SETD2: variants seen among roughly 807,000 people sequenced by gnomAD.
SETD2 encodes SET domain containing 2, histone lysine methyltransferase, also known as histone-lysine N-methyltransferase SETD2.
In SETD2, 31 loss-of-function variants were observed where a neutral mutation model predicts 242.1. The observed-to-expected ratio is 0.13, with a 90% CI of 0.10 to 0.17. SETD2 has a LOEUF of 0.17. Ranked by LOEUF, SETD2 falls within the 10% of genes least tolerant of loss-of-function variation. The probability of loss-of-function intolerance (pLI) is 1.00; values close to 1 mark genes in which losing one functional copy is unlikely to be tolerated. For synonymous variants in SETD2, 1,006 were observed against 1,066.5 expected, an observed-to-expected ratio of 0.94 and a Z score of 1.11; for missense variants, 2,481 against 3,046.3, an observed-to-expected ratio of 0.81 and a Z score of 4.37.
In SETD2 at chr3:47,114,476, A is replaced by T. The variant is rs182282748; in HGVS notation, c.4587-472T>A. Among the ~76,000 whole-genome samples the T allele has an allele frequency of 3.3e-4, 51 of 152,330 alleles. No homozygotes were observed. In the East Asian group the frequency reaches 9.2e-3, roughly 28 times the overall value. ...ATCCTTGTTCAGAGTAAACAGAATA[A>T]CATGGCATGGCTCTTCTCCCATGGA... is the stretch of plus-strand genomic sequence containing the variant. On this transcript the variant is annotated intron_variant, in intron 4 of 20. Coordinates refer to ENST00000409792, the MANE Select transcript of SETD2 (RefSeq NM_014159.7).
intron 11 of SETD2, among the ~76,000 whole-genome samples, 175 bp downstream of exon 11, chr3:47,086,020 G>GGT (rs1188988730): frequency 6.6e-6 from 1 of 152,128 alleles, no homozygotes; most frequent in East Asian, 1.9e-4. Flanking sequence ...CTACTAACAA[G>GGT]GTGTATGTAC....
At chr3:47,022,530 A>G (rs1453184177) in intron 18 of SETD2, among the ~76,000 whole-genome samples, 2 of 152,214 alleles carry the variant, frequency 1.3e-5, no homozygotes, top group East Asian at 1.9e-4. Flanking sequence ...CTTTTAAGGA[A>G]ACCACCAGAG....
chr3:47,113,831 C>T (rs2107718003), intron 5 of SETD2, 45 bp downstream of exon 5: 1 of 1,585,484 alleles, frequency 6.3e-7, no homozygotes. Flanking sequence ...AGAGTGAGAC[C>T]TTGTCTCAAA....
At chr3:47,067,029 A>T (rs2040585860) in intron 13 of SETD2, 41 bp downstream of exon 13, 9 of 1,497,832 alleles carry the variant, frequency 6.0e-6, no homozygotes, top group Non-Finnish European at 8.4e-6. Context: ...ACAAAAGAAT[A>T]TTTGTAAAGC....
At chr3:47,084,967 G>T (rs926397533) in intron 11 of SETD2, among the ~76,000 whole-genome samples, 1 of 151,272 alleles carries the variant, frequency 6.6e-6, no homozygotes, top group East Asian at 1.9e-4. Flanking sequence ...CTGACCTTAG[G>T]TGATCCACCT....
chr3:47,071,891 T>G (rs1234755625), intron 12 of SETD2, among the ~76,000 whole-genome samples: 1 of 152,082 alleles, frequency 6.6e-6, no homozygotes, highest in Non-Finnish European at 1.5e-5. Flanking sequence ...AAATAAACTC[T>G]AAAAATATAC....
intron 1 of SETD2, among the ~76,000 whole-genome samples, chr3:47,146,633 A>AG (rs926488336): frequency 3.8e-4 from 58 of 151,670 alleles, no homozygotes; most frequent in African/African-American, 1.3e-3. Context: ...TCTAAAAAAA[A>AG]AAAAAAAAAT....
chr3:47,027,892 C>A (rs993635407), intron 18 of SETD2, among the ~76,000 whole-genome samples: 1 of 151,598 alleles, frequency 6.6e-6, no homozygotes, highest in African/African-American at 2.4e-5. Context: ...CCCGGGTTCA[C>A]GCCATTCTCC....
At chr3:47,133,944 A>G (rs933191032) in intron 1 of SETD2, among the ~76,000 whole-genome samples, 4 of 152,238 alleles carry the variant, frequency 2.6e-5, no homozygotes, top group African/African-American at 7.2e-5. Context: ...GAAGCCACCA[A>G]TTACAAATCA....
intron 2 of SETD2, 72 bp from the exon 3 acceptor site, chr3:47,124,620 A>G (rs1361117312): frequency 1.5e-6 from 2 of 1,301,742 alleles, no homozygotes; most frequent in Admixed American, 5.7e-5. Flanking sequence ...ACAGTTTAAA[A>G]TGTTTACTGG....
At chr3:47,145,124 G>A (rs947959068) in intron 1 of SETD2, among the ~76,000 whole-genome samples, 13 of 152,098 alleles carry the variant, frequency 8.5e-5, no homozygotes, top group African/African-American at 2.9e-4. Flanking sequence ...CTGACAATGT[G>A]TAAACATAAC....
chr3:47,048,707 C>T (rs1464373142), intron 15 of SETD2, among the ~76,000 whole-genome samples: 4 of 152,042 alleles, frequency 2.6e-5, no homozygotes, highest in Non-Finnish European at 4.4e-5. Flanking sequence ...CCCTCCTCCT[C>T]GCCAGGGTGG....
At chr3:47,039,371 C>T (rs564744855) in intron 17 of SETD2, among the ~76,000 whole-genome samples, 78 of 152,006 alleles carry the variant, frequency 5.1e-4, no homozygotes, top group East Asian at 5.9e-4. Context: ...CGTGTCACCA[C>T]GCCCAGCTAA....
intron 9 of SETD2, among the ~76,000 whole-genome samples, chr3:47,092,402 G>A: frequency 6.6e-6 from 1 of 151,566 alleles, no homozygotes; most frequent in African/African-American, 2.4e-5. Flanking sequence ...TTTATGTATG[G>A]GTCAACATCA....
rs776438900 is a variant in SETD2, at chr3:47,120,828, T to C, written c.3808A>G (p.Thr1270Ala). The C allele has an allele frequency of 3.8e-5, 61 of 1,614,118 alleles. 1 individual carries two copies. In the South Asian group the frequency reaches 6.4e-4, roughly 17 times the overall value. The change falls in exon 3 of 21, where the codon ACG (threonine) becomes GCG (alanine). Residue 1270 changes from threonine to alanine, a missense_variant. Coordinates refer to ENST00000409792, the MANE Select transcript of SETD2 (RefSeq NM_014159.7). ...WDFSQEKPST[T>A]YQQPDSSYGA... Reference sequence around the variant, plus strand: ...TAGCTACTGTCAGGTTGCTGATACGTGGTAGAAGGCTTTTCTTGAGAGAAG... The same window carrying C: ...TAGCTACTGTCAGGTTGCTGATACGCGGTAGAAGGCTTTTCTTGAGAGAAG...
chr3:47,032,439 G>T (rs1431122010), intron 18 of SETD2, among the ~76,000 whole-genome samples: 1 of 151,974 alleles, frequency 6.6e-6, no homozygotes, highest in African/African-American at 2.4e-5. Flanking sequence ...AACCCTGATG[G>T]TGCCACTGCA....
chr3:47,059,477 T>G (rs2040242414), intron 14 of SETD2, among the ~76,000 whole-genome samples: 1 of 148,356 alleles, frequency 6.7e-6, no homozygotes, highest in Non-Finnish European at 1.5e-5. Context: ...TGGAGTGCAG[T>G]GGCGTAATCT....
intron 4 of SETD2, among the ~76,000 whole-genome samples, chr3:47,115,108 CCTGT>C (rs1347186577): frequency 6.6e-6 from 1 of 151,812 alleles, no homozygotes; most frequent in Non-Finnish European, 1.5e-5. Context: ...TACAACTGTC[CCTGT>C]CTGTGTGCAG....
chr3:47,032,329 A>C (rs1406469869), intron 18 of SETD2, among the ~76,000 whole-genome samples: 1 of 151,514 alleles, frequency 6.6e-6, no homozygotes, highest in Non-Finnish European at 1.5e-5. Context: ...CTGGTCACCA[A>C]CACCACCAGA....
Sources: gnomAD v4.1 joint callset for allele counts (sites outside exome capture counted in the v4.1 genomes callset) on GRCh38, gnomAD v4.1.1 for gene constraint, MANE v1.5 for transcripts, NCBI Gene and HGNC (gene_info 2026-07-23, HGNC 2026-07-21) for gene names.